Variants in FGGY observed in about 807,000 individuals in gnomAD.
The protein encoded by FGGY is FGGY carbohydrate kinase domain containing.
FGGY carries 72 observed loss-of-function variants against 71.3 expected under a neutral mutation model. The observed-to-expected ratio is 1.01, with a 90% CI of 0.84 to 1.23. FGGY has a LOEUF of 1.23. FGGY is among the 50% of genes most tolerant of loss of function. FGGY has a pLI of 0.00. For synonymous variants in FGGY, 251 were observed against 250.3 expected (o/e 1.00, Z -0.02); for missense variants, 668 against 682.3 (o/e 0.98, Z 0.23).
At chr1:59,629,284 AG>A (rs1240116059) in intron 10 of FGGY, among the ~76,000 whole-genome samples, 1 of 152,190 alleles carries the variant, frequency 6.6e-6, no homozygotes, top group Non-Finnish European at 1.5e-5. Context: ...CATTCTACTA[AG>A]TGACTTACAT....
At chr1:59,455,072 T>C (rs542196674) in intron 5 of FGGY, among the ~76,000 whole-genome samples, 1 of 152,230 alleles carries the variant, frequency 6.6e-6, no homozygotes, top group Non-Finnish European at 1.5e-5. Flanking sequence ...TCAGTGTTCA[T>C]TGTGGCTTGT....
At chr1:59,346,163 T>G in intron 3 of FGGY, 84 bp from the exon 4 acceptor site, 1 of 1,527,358 alleles carries the variant, frequency 6.5e-7, no homozygotes, top group East Asian at 2.3e-5. Flanking sequence ...CATAGCATTT[T>G]GATCTTGGGA....
chr1:59,607,716 T>G, intron 8 of FGGY, 87 bp from the exon 9 acceptor site: 1 of 1,013,480 alleles, frequency 9.9e-7, no homozygotes, highest in Non-Finnish European at 1.5e-6. Flanking sequence ...GAAGCTGAAT[T>G]CCATGGTCAT....
At chr1:59,317,266 G>A (rs1033688040) in intron 1 of FGGY, among the ~76,000 whole-genome samples, 1 of 152,202 alleles carries the variant, frequency 6.6e-6, no homozygotes, top group African/African-American at 2.4e-5. Flanking sequence ...TGTTGTGGAA[G>A]GAGCCCTAAA....
chr1:59,363,152 G>C (rs1416629514), intron 4 of FGGY, among the ~76,000 whole-genome samples: 1 of 152,162 alleles, frequency 6.6e-6, no homozygotes, highest in African/African-American at 2.4e-5. Context: ...TAATCTCACT[G>C]AATTGAATTC....
At chr1:59,300,039 G>A (rs1042597668) in intron 1 of FGGY, among the ~76,000 whole-genome samples, 5 of 152,202 alleles carry the variant, frequency 3.3e-5, no homozygotes, top group African/African-American at 9.6e-5. Flanking sequence ...ATATCTAATG[G>A]AAATTAATTA....
intron 6 of FGGY, among the ~76,000 whole-genome samples, chr1:59,499,593 A>AT (rs1290560758): frequency 3.3e-5 from 5 of 152,154 alleles, no homozygotes; most frequent in African/African-American, 1.2e-4. Flanking sequence ...CTAGAGTGCT[A>AT]TAGAGGATTT....
At chr1:59,652,922 T>C (rs1307660965) in intron 11 of FGGY, among the ~76,000 whole-genome samples, 1 of 152,194 alleles carries the variant, frequency 6.6e-6, no homozygotes, top group African/African-American at 2.4e-5. Context: ...GGTGTACAGA[T>C]GGGTTTTCGG....
intron 14 of FGGY, among the ~76,000 whole-genome samples, chr1:59,718,416 G>A (rs2097860274): frequency 6.6e-6 from 1 of 152,172 alleles, no homozygotes; most frequent in Admixed American, 6.5e-5. Flanking sequence ...TCTAGACGGT[G>A]ACTCCCTCCA....
At position 59,351,656 on chromosome 1, in the gene FGGY, G is replaced by A. The variant is rs139211662; in HGVS notation, c.465+5258G>A. On this transcript the variant is annotated intron_variant, in intron 4 of 15. Transcript: ENST00000303721. The stretch of plus-strand genomic sequence containing the variant: ...TTGAATGACTCAATAACTCAATAAG[G>A]GGCTGTTACAGTACTCCATGGGAGA... 2.3e-3 allele frequency among the ~76,000 whole-genome samples: 344 copies of A among 152,154 alleles called. 2 individuals carry two copies. The highest frequency in any genetic ancestry group is 8.0e-3 in the African/African-American group (333 of 41,534).
chr1:59,589,186 A>G (rs1217491697), intron 8 of FGGY, among the ~76,000 whole-genome samples: 1 of 152,144 alleles, frequency 6.6e-6, no homozygotes, highest in Non-Finnish European at 1.5e-5. Context: ...ATCAAAAGAG[A>G]CAAAGAAGGC....
At chr1:59,388,180 C>A (rs551989124) in intron 5 of FGGY, among the ~76,000 whole-genome samples, 1 of 152,104 alleles carries the variant, frequency 6.6e-6, no homozygotes, top group Non-Finnish European at 1.5e-5. Flanking sequence ...ATTTGCCAAC[C>A]CTATCTCAAG....
intron 4 of FGGY, among the ~76,000 whole-genome samples, chr1:59,347,046 AGT>A (rs755757148): frequency 6.6e-6 from 1 of 150,786 alleles, no homozygotes; most frequent in Admixed American, 6.6e-5. Context: ...TCTCAGAAAA[AGT>A]GTATCTTTTT....
At chr1:59,632,432 T>A (rs970605349) in intron 10 of FGGY, among the ~76,000 whole-genome samples, 5 of 152,210 alleles carry the variant, frequency 3.3e-5, no homozygotes, top group Admixed American at 6.5e-5. Flanking sequence ...TTTTTCTTGA[T>A]CTGATTTATT....
chr1:59,455,477 C>T (rs558490321), intron 5 of FGGY, among the ~76,000 whole-genome samples: 15 of 152,272 alleles, frequency 9.9e-5, no homozygotes, highest in East Asian at 3.9e-4. Flanking sequence ...ATGGCCAGAA[C>T]GGAGTGACTG....
intron 2 of FGGY, among the ~76,000 whole-genome samples, chr1:59,329,463 G>C (rs915012357): frequency 6.6e-6 from 1 of 152,246 alleles, no homozygotes; most frequent in African/African-American, 2.4e-5. Context: ...TCTGCAAAGT[G>C]CAATAAAGTG....
chr1:59,535,891 A>T (rs76795167), intron 7 of FGGY, among the ~76,000 whole-genome samples: 11,798 of 143,486 alleles, frequency 0.082, 617 homozygotes, highest in South Asian at 0.23. Context: ...GAAAGATCCA[A>T]AATTGACACC....
At position 59,539,007 on chromosome 1, in the gene FGGY, A is replaced by G. The variant is rs189053790; in HGVS notation, c.800-15117A>G. The stretch of plus-strand genomic sequence containing the variant: ...ACTTAAAGTATAATAATAATAAAAT[A>G]AATAAAAATGTTTAAATAGCATGAT... On this transcript the variant is annotated intron_variant, in intron 7 of 15. Coordinates refer to ENST00000303721, the MANE Select transcript of FGGY (RefSeq NM_018291.5). Among the ~76,000 whole-genome samples the G allele has an allele frequency of 2.4e-3, 362 of 152,272 alleles. 2 individuals carry two copies. The highest frequency in any genetic ancestry group is 4.0e-3 in the Non-Finnish European group (271 of 68,012).
At chr1:59,380,203 C>T (rs1412162900) in intron 5 of FGGY, among the ~76,000 whole-genome samples, 1 of 151,570 alleles carries the variant, frequency 6.6e-6, no homozygotes, top group East Asian at 1.9e-4. Flanking sequence ...CATTCATGGA[C>T]ATTTGGGTTG....
Sources: gnomAD v4.1 joint callset for allele counts (sites outside exome capture counted in the v4.1 genomes callset) on GRCh38, gnomAD v4.1.1 for gene constraint, MANE v1.5 for transcripts, NCBI Gene and HGNC (gene_info 2026-07-23, HGNC 2026-07-21) for gene names.